The following AGPAT1 variants were observed in gnomAD, a reference collection of about 807,000 sequenced individuals.
AGPAT1 encodes 1-acylglycerol-3-phosphate O-acyltransferase 1.
AGPAT1 carries 6 observed loss-of-function variants against 31.2 expected under a neutral mutation model. That is an observed-to-expected ratio of 0.19 (90% CI 0.11 to 0.38). AGPAT1 has a LOEUF of 0.38. AGPAT1 is among the 10% of genes least tolerant of loss of function. The pLI, the probability that AGPAT1 is intolerant of heterozygous loss-of-function variation, is 1.00. For synonymous variants in AGPAT1, 139 were observed against 154.0 expected (o/e 0.90, Z 0.72); for missense variants, 187 against 377.8 (o/e 0.49, Z 4.19).
Position 32,171,129 on chromosome 6 carries a change from A to G in AGPAT1, c.201-59T>C. 6.3e-7 allele frequency: 1 copy of G among 1,593,784 alleles called. No individual in the cohort carries two copies. ...CCATTGATGTCCATCTGCATGCCTC[A>G]GCTCCCCCCACCTTACTGTCTTTCT... is the stretch of plus-strand genomic sequence containing the variant. On this transcript the variant is annotated intron_variant, in intron 2 of 6. Coordinates refer to ENST00000375107, the MANE Select transcript of AGPAT1 (RefSeq NM_006411.4). This position sits in a 1 kb window ranked among gnomAD's most constrained non-coding sequence, Gnocchi z 6.9.
Position 32,173,432 on chromosome 6 carries a change from C to T in AGPAT1, c.-9-1927G>A, listed in dbSNP as rs1785271415. Among the ~76,000 whole-genome samples, 1 of 152,194 alleles carries T rather than the reference C, an allele frequency of 6.6e-6. No individual in the cohort carries two copies. Among genetic ancestry groups the T allele is most frequent in the South Asian group, 2.1e-4 (1 of 4,830 alleles). ...AAGTTCAGAACAGCATCATTTCTCC[C>T]CTGAACTATGTGGAGTAGGCTCCCA... On this transcript the variant is annotated intron_variant, in intron 1 of 6. Transcript: ENST00000375107. The surrounding 1 kb of genome is among the most constrained non-coding windows in gnomAD (Gnocchi z 4.7).
At position 32,170,863 on chromosome 6, in the gene AGPAT1, GA is replaced by G; in HGVS notation, c.334+73del. On this transcript the variant is annotated intron_variant, in intron 3 of 6. Transcript: ENST00000375107. This position sits in a 1 kb window ranked among gnomAD's most constrained non-coding sequence, Gnocchi z 7.7. ...AGGAAGGGGAATTGAGGATCTCTAG[GA>G]GAAGATATTCTAGGGAAGGTTTCAG... 6.5e-7 allele frequency: 1 copy of G among 1,541,142 alleles called. No homozygotes were observed. The highest frequency in any genetic ancestry group is 8.8e-7 in the Non-Finnish European group (1 of 1,129,994).
rs1298606789 is a variant in AGPAT1, at chr6:32,174,271, C to T, written c.-10+1543G>A. Among the ~76,000 whole-genome samples, 1 of 152,092 alleles carries T rather than the reference C, an allele frequency of 6.6e-6. No individual in the cohort carries two copies. Among genetic ancestry groups the T allele is most frequent in the Non-Finnish European group, 1.5e-5 (1 of 68,006 alleles). On this transcript the variant is annotated intron_variant, in intron 1 of 6. Coordinates refer to ENST00000375107, the MANE Select transcript of AGPAT1 (RefSeq NM_006411.4). This position sits in a 1 kb window ranked among gnomAD's most constrained non-coding sequence, Gnocchi z 4.5. ...GAGCCACAGTTAATGACAGAGATGGCGGTTCTGATCACAAATTAGATAGTT... is the reference window on the plus strand; with the variant it reads ...GAGCCACAGTTAATGACAGAGATGGTGGTTCTGATCACAAATTAGATAGTT...
rs1157851800 is a variant in AGPAT1 at position 32,171,425 on chromosome 6, G to T, written c.72C>A (p.Thr24=). ...LFLLLLFLLP[T]LWFCSPSAKY... is the part of the protein sequence containing the mutation. ...TGGCACTGGGGCTGCAGAACCACAG[G>T]GTGGGCAGCAGGAAGAGCAGCAGCA... Residue 24 remains threonine, a synonymous_variant, in exon 2 of 7, where the codon ACC becomes ACA. Transcript: ENST00000375107. The surrounding 1 kb of genome is among the most constrained non-coding windows in gnomAD (Gnocchi z 6.9). 1.2e-6 allele frequency: 2 copies of T among 1,613,126 alleles called. No homozygotes were observed. Among genetic ancestry groups the T allele is most frequent in the Non-Finnish European group, 1.7e-6 (2 of 1,180,012 alleles).
rs1405741248 is a variant in AGPAT1, at chr6:32,170,371, A to T, written c.510+54T>A. ...ACTGGCCCTGCATATCAGTTTATTTACAACTGTTCTACTCTGTATCCCTCC... is the reference window on the plus strand; with the variant it reads ...ACTGGCCCTGCATATCAGTTTATTTTCAACTGTTCTACTCTGTATCCCTCC... On this transcript the variant is annotated intron_variant, in intron 4 of 6. Transcript: ENST00000375107. The surrounding 1 kb of genome is among the most constrained non-coding windows in gnomAD (Gnocchi z 7.7). 1 of 1,612,564 alleles carries T rather than the reference A, an allele frequency of 6.2e-7. No individual in the cohort carries two copies.
At position 32,171,308 on chromosome 6, in the gene AGPAT1, G is replaced by A. The variant is rs1159071443; in HGVS notation, c.189C>T (p.Val63=). 21 of 1,613,018 alleles carry A rather than the reference G, an allele frequency of 1.3e-5. No individual in the cohort carries two copies. Among genetic ancestry groups the A allele is most frequent in the South Asian group, 2.2e-5 (2 of 91,078 alleles). Reference sequence around the variant, plus strand: ...CCCTTGCCCCTCACTTCATGTTCTCGACGTTGCGTCCTCGCACGGCACACA... The same window carrying A: ...CCCTTGCCCCTCACTTCATGTTCTCAACGTTGCGTCCTCGCACGGCACACA... ...IPVCAVRGRN[V]ENMKILRLML... is the part of the protein sequence containing the mutation. The change falls in exon 2 of 7, where the codon GTC becomes GTT. Residue 63 remains valine (V), a synonymous_variant. Coordinates refer to ENST00000375107, the MANE Select transcript of AGPAT1 (RefSeq NM_006411.4). The surrounding 1 kb of genome is among the most constrained non-coding windows in gnomAD (Gnocchi z 6.9).
Position 32,169,556 on chromosome 6 carries a change from C to T in AGPAT1, c.680-108G>A. The T allele has an allele frequency of 7.5e-7, 1 of 1,333,226 alleles. No homozygotes were observed. Among genetic ancestry groups the T allele is most frequent in the Non-Finnish European group, 1.0e-6 (1 of 973,948 alleles). The allele number at this position is 1,333,226 out of a possible 1,614,324, so 82.6% of individuals were successfully genotyped here. On this transcript the variant is annotated intron_variant, in intron 6 of 6. Coordinates refer to ENST00000375107, the MANE Select transcript of AGPAT1 (RefSeq NM_006411.4). This position sits in a 1 kb window ranked among gnomAD's most constrained non-coding sequence, Gnocchi z 5.9. Reference sequence around the variant, plus strand: ...CCTCAACCTTTCAGTTCTCTTCCCCCAACCCTGGACAACCATCCCTGGGCT... The same window carrying T: ...CCTCAACCTTTCAGTTCTCTTCCCCTAACCCTGGACAACCATCCCTGGGCT...
At position 32,171,395 on chromosome 6, in the gene AGPAT1, G is replaced by A; in HGVS notation, c.102C>T (p.Tyr34=). 6.2e-7 allele frequency: 1 copy of A among 1,613,214 alleles called. No individual in the cohort carries two copies. Among genetic ancestry groups the A allele is most frequent in the Non-Finnish European group, 8.5e-7 (1 of 1,180,048 alleles). The part of the protein sequence containing the change: ...TLWFCSPSAK[Y]FFKMAFYNGW... ...CATTGTAGAAGGCCATCTTGAAGAA[G>A]TACTTGGCACTGGGGCTGCAGAACC... Residue 34 remains tyrosine (Y), a synonymous_variant, in exon 2 of 7, where the codon TAC becomes TAT. Transcript: ENST00000375107. The surrounding 1 kb of genome is among the most constrained non-coding windows in gnomAD (Gnocchi z 6.9).
rs536585201 is a variant in AGPAT1 at position 32,168,372 on chromosome 6, C to G, written c.*904G>C. The G allele has an allele frequency of 3.6e-4, 65 of 180,280 alleles. No homozygotes were observed. Among genetic ancestry groups the G allele is most frequent in the African/African-American group, 1.2e-3 (50 of 42,576 alleles). The allele number at this position is 180,280 out of a possible 1,614,324, so 11.2% of individuals were successfully genotyped here. A position where few individuals can be genotyped will look rare whatever the true frequency, so the allele number is the denominator to read the frequency against. On this transcript the variant is annotated 3_prime_UTR_variant, in exon 7 of 7. Transcript: ENST00000375107. The surrounding 1 kb of genome is among the most constrained non-coding windows in gnomAD (Gnocchi z 4.5). ...AGAGGCAGGGAGTGGCTAATGCCAC[C>G]AGGAAGAAATGAAAACTGGCTCAGA...
upstream of AGPAT1, chr6:32,177,279 A>T (rs890974753): frequency 8.1e-5 from 32 of 394,164 alleles, no homozygotes; most frequent in Admixed American, 1.3e-4. Context: ...GATTGTAGGA[A>T]AAGCCCAAAC....
At chr6:32,177,509 G>C (rs1785681477), upstream of AGPAT1, 1 of 161,128 alleles carries the variant, frequency 6.2e-6, no homozygotes, top group Non-Finnish European at 1.3e-5. Flanking sequence ...TAAGAAAGGG[G>C]TGGGCCTTTA....
chr6:32,170,115 G>T lies in AGPAT1; in HGVS notation c.606+50C>A, dbSNP rs997479168. On this transcript the variant is annotated intron_variant, in intron 5 of 6. Coordinates refer to ENST00000375107, the MANE Select transcript of AGPAT1 (RefSeq NM_006411.4). The surrounding 1 kb of genome is among the most constrained non-coding windows in gnomAD (Gnocchi z 7.7). ...CAATAAGCCCCTGCCCAGAGATGAG[G>T]GAATGGTGGGGGTTGGCAGCTGAGT... is the stretch of plus-strand genomic sequence containing the variant. 6.2e-7 allele frequency: 1 copy of T among 1,610,862 alleles called. No homozygotes were observed. The highest frequency in any genetic ancestry group is 8.5e-7 in the Non-Finnish European group (1 of 1,177,076).
chr6:32,170,201 G>A lies in AGPAT1; in HGVS notation c.570C>T (p.Phe190=). The change falls in exon 5 of 7, where the codon TTC becomes TTT. Residue 190 remains phenylalanine, a synonymous_variant. Coordinates refer to ENST00000375107, the MANE Select transcript of AGPAT1 (RefSeq NM_006411.4). The surrounding 1 kb of genome is among the most constrained non-coding windows in gnomAD (Gnocchi z 7.7). ...TRNHNGSMLP[F]KRGAFHLAVQ... ...CTGCAAGATGGAAGGCGCCACGTTTGAAGGGCAGCATGGAGCCATTGTGGT... is the reference window on the plus strand; with the variant it reads ...CTGCAAGATGGAAGGCGCCACGTTTAAAGGGCAGCATGGAGCCATTGTGGT... 6.2e-7 allele frequency: 1 copy of A among 1,614,164 alleles called. No homozygotes were observed. Among genetic ancestry groups the A allele is most frequent in the Non-Finnish European group, 8.5e-7 (1 of 1,180,030 alleles).
rs11967606 is a variant in AGPAT1, at chr6:32,174,923, G to T, written c.-10+891C>A. On this transcript the variant is annotated intron_variant, in intron 1 of 6. Coordinates refer to ENST00000375107, the MANE Select transcript of AGPAT1 (RefSeq NM_006411.4). The surrounding 1 kb of genome is among the most constrained non-coding windows in gnomAD (Gnocchi z 4.5). Reference sequence around the variant, plus strand: ...CGCATACACATGTGTTCTGTGAACTGTGACTGGGAAAACACAGCAAACAGG... The same window carrying T: ...CGCATACACATGTGTTCTGTGAACTTTGACTGGGAAAACACAGCAAACAGG... Among the ~76,000 whole-genome samples the T allele has an allele frequency of 9.6e-3, 1,467 of 152,304 alleles. 25 individuals carry two copies. The highest frequency in any genetic ancestry group is 0.033 in the African/African-American group (1,387 of 41,552).
rs756542128 is a variant in AGPAT1, at chr6:32,170,055, G to C, written c.607-17C>G. The C allele has an allele frequency of 6.2e-7, 1 of 1,613,070 alleles. No homozygotes were observed. The highest frequency in any genetic ancestry group is 8.5e-7 in the Non-Finnish European group (1 of 1,179,002). On this transcript the variant is annotated splice_polypyrimidine_tract_variant and intron_variant, in intron 5 of 6. Coordinates refer to ENST00000375107, the MANE Select transcript of AGPAT1 (RefSeq NM_006411.4). The surrounding 1 kb of genome is among the most constrained non-coding windows in gnomAD (Gnocchi z 7.7). Reference sequence around the variant, plus strand: ...AATGGGAACCTGGGGAAGGGTTAAAGCAGGTCAGTCCACAGCTCTCTTCAG... The same window carrying C: ...AATGGGAACCTGGGGAAGGGTTAAACCAGGTCAGTCCACAGCTCTCTTCAG...
chr6:32,176,371 C>T (rs964608602), upstream of AGPAT1: 23 of 499,574 alleles, frequency 4.6e-5, no homozygotes, highest in Non-Finnish European at 5.2e-5. Flanking sequence ...TCTCCATCAG[C>T]TCTCTTTTAA....
Position 32,171,407 on chromosome 6 carries a change from G to A in AGPAT1, c.90C>T (p.Pro30=). The A allele has an allele frequency of 1.2e-6, 2 of 1,613,200 alleles. No individual in the cohort carries two copies. The highest frequency in any genetic ancestry group is 1.1e-5 in the South Asian group (1 of 91,088). ...FLLPTLWFCS[P]SAKYFFKMAF... ...CCATCTTGAAGAAGTACTTGGCACT[G>A]GGGCTGCAGAACCACAGGGTGGGCA... is the stretch of plus-strand genomic sequence containing the variant. The change falls in exon 2 of 7, where the codon CCC becomes CCT. Residue 30 remains proline, a synonymous_variant. Transcript: ENST00000375107. This position sits in a 1 kb window ranked among gnomAD's most constrained non-coding sequence, Gnocchi z 6.9.
chr6:32,169,592 C>T lies in AGPAT1; in HGVS notation c.680-144G>A. 1 of 959,788 alleles carries T rather than the reference C, an allele frequency of 1.0e-6. No homozygotes were observed. Among genetic ancestry groups the T allele is most frequent in the African/African-American group, 1.6e-5 (1 of 61,006 alleles). The allele number at this position is 959,788 out of a possible 1,614,324, so 59.5% of individuals were successfully genotyped here. A position where few individuals can be genotyped will look rare whatever the true frequency, so the allele number is the denominator to read the frequency against. On this transcript the variant is annotated intron_variant, in intron 6 of 6. Coordinates refer to ENST00000375107, the MANE Select transcript of AGPAT1 (RefSeq NM_006411.4). This position sits in a 1 kb window ranked among gnomAD's most constrained non-coding sequence, Gnocchi z 5.9. Reference sequence around the variant, plus strand: ...AACCATCCCTGGGCTTGCCAGCTGCCACTTCTGAGGCCCTTCTCCTATACA... The same window carrying T: ...AACCATCCCTGGGCTTGCCAGCTGCTACTTCTGAGGCCCTTCTCCTATACA...
chr6:32,171,716 C>A lies in AGPAT1; in HGVS notation c.-9-211G>T, dbSNP rs536634798. On this transcript the variant is annotated intron_variant, in intron 1 of 6. Coordinates refer to ENST00000375107, the MANE Select transcript of AGPAT1 (RefSeq NM_006411.4). The surrounding 1 kb of genome is among the most constrained non-coding windows in gnomAD (Gnocchi z 6.9). ...TCAGGACTGCTCTCCCACCACTCTT[C>A]CCAAAGGCTCCGGATATATTCAGAC... 1 of 620,662 alleles carries A rather than the reference C, an allele frequency of 1.6e-6. No individual in the cohort carries two copies. The highest frequency in any genetic ancestry group is 2.8e-6 in the Non-Finnish European group (1 of 356,102). The allele number at this position is 620,662 out of a possible 1,614,324, so 38.4% of individuals were successfully genotyped here. A position where few individuals can be genotyped will look rare whatever the true frequency, so the allele number is the denominator to read the frequency against.
Sources: allele counts gnomAD v4.1 joint callset (sites outside exome capture counted in the v4.1 genomes callset), GRCh38; gene constraint gnomAD v4.1.1; non-coding constraint Gnocchi (gnomAD v3.1); transcripts MANE v1.5; gene names NCBI Gene and HGNC (gene_info 2026-07-23, HGNC 2026-07-21).